CNTNAP5: variants seen among roughly 807,000 people sequenced by gnomAD.
CNTNAP5 encodes contactin-associated protein-like 5.
CNTNAP5 carries 72 observed loss-of-function variants against 150.2 expected under a neutral mutation model. That is an observed-to-expected ratio of 0.48 (90% CI 0.40 to 0.58). CNTNAP5 has a LOEUF of 0.58. CNTNAP5 is among the 20% of genes least tolerant of loss of function. The probability of loss-of-function intolerance (pLI) is 0.00; values close to 1 mark genes in which losing one functional copy is unlikely to be tolerated. For synonymous variants in CNTNAP5, 672 were observed against 619.8 expected (o/e 1.08, Z -1.25); for missense variants, 1,636 against 1,626.2 (o/e 1.01, Z -0.10).
Position 124,630,844 on chromosome 2 carries a change from G to C in CNTNAP5, c.1877-16914G>C, listed in dbSNP as rs912730801. On this transcript the variant is annotated intron_variant, in intron 12 of 23. Transcript: ENST00000682447. ...AAAACCCCATCAACTCAACCCAAAAGCTTCTTAAGCTGATAAGCAACTTCA... is the reference window on the plus strand; with the variant it reads ...AAAACCCCATCAACTCAACCCAAAACCTTCTTAAGCTGATAAGCAACTTCA... 7.9e-5 allele frequency among the ~76,000 whole-genome samples: 12 copies of C among 152,018 alleles called. No homozygotes were observed. In the East Asian group the frequency reaches 2.1e-3, roughly 27 times the overall value.
Position 124,138,738 on chromosome 2 carries a change from A to G in CNTNAP5, c.83-82967A>G, listed in dbSNP as rs546794280. Reference sequence around the variant, plus strand: ...TATTGACAGAAAAATAAATGGCTCTATTATTTGTCTAGAATCTCCGAAATA... The same window carrying G: ...TATTGACAGAAAAATAAATGGCTCTGTTATTTGTCTAGAATCTCCGAAATA... On this transcript the variant is annotated intron_variant, in intron 1 of 23. Coordinates refer to ENST00000682447, the MANE Select transcript of CNTNAP5 (RefSeq NM_001367498.1). Among the ~76,000 whole-genome samples, 8 of 152,246 alleles carry G rather than the reference A, an allele frequency of 5.3e-5. No homozygotes were observed. The South Asian group carries it at 8.3e-4, about 16-fold the overall frequency.
rs1266557462 is a variant in CNTNAP5, at chr2:124,148,517, AATATATACATATTAT to A, written c.83-73167_83-73153del. 1.0e-4 allele frequency among the ~76,000 whole-genome samples: 15 copies of A among 146,544 alleles called. No individual in the cohort carries two copies. The East Asian group carries it at 1.2e-3, about 12-fold the overall frequency. On this transcript the variant is annotated intron_variant, in intron 1 of 23. Transcript: ENST00000682447. ...TGGAGAGAGAGGTATATATATATAT[AATATATACATATTAT>A]ATATATACATATTATATATAATATG...
intron 12 of CNTNAP5, among the ~76,000 whole-genome samples, chr2:124,626,694 C>A (rs940963281): frequency 3.3e-5 from 5 of 152,110 alleles, no homozygotes; most frequent in Non-Finnish European, 7.4e-5. Flanking sequence ...CCTTGAGCTC[C>A]AGTAAGACAG....
At chr2:124,849,200 A>G (rs1015495124) in intron 19 of CNTNAP5, among the ~76,000 whole-genome samples, 11 of 152,132 alleles carry the variant, frequency 7.2e-5, no homozygotes, top group African/African-American at 2.7e-4. Flanking sequence ...GTGTGTATCT[A>G]TCTTTTCCAA....
At chr2:124,532,079 GTGT>G (rs765958987) in intron 10 of CNTNAP5, among the ~76,000 whole-genome samples, 65 of 152,272 alleles carry the variant, frequency 4.3e-4, no homozygotes, top group Non-Finnish European at 3.8e-4. Flanking sequence ...GGGTTCTAGT[GTGT>G]CCAGTGTAGC....
At chr2:124,453,266 C>A (rs142917185) in intron 6 of CNTNAP5, among the ~76,000 whole-genome samples, 2 of 151,766 alleles carry the variant, frequency 1.3e-5, no homozygotes, top group African/African-American at 4.9e-5. Flanking sequence ...AGAATCAAAC[C>A]AGTAGAAGAA....
chr2:124,683,199 A>C (rs918077949), intron 13 of CNTNAP5, among the ~76,000 whole-genome samples: 21 of 151,336 alleles, frequency 1.4e-4, no homozygotes, highest in African/African-American at 4.1e-4. Context: ...CGTGTGCCCC[A>C]CTCTCCCATA....
At chr2:124,819,581 A>C (rs895754085) in intron 19 of CNTNAP5, among the ~76,000 whole-genome samples, 23 of 152,174 alleles carry the variant, frequency 1.5e-4, no homozygotes, top group African/African-American at 5.3e-4. Flanking sequence ...CATTATCTTC[A>C]AATAATAGTT....
At chr2:124,883,025 G>T (rs1186794973) in intron 21 of CNTNAP5, among the ~76,000 whole-genome samples, 3 of 151,680 alleles carry the variant, frequency 2.0e-5, no homozygotes, top group Non-Finnish European at 4.4e-5. Context: ...GATGAGGTTT[G>T]GTTGGGGACG....
chr2:124,220,007 A>C (rs1686263592), intron 1 of CNTNAP5, among the ~76,000 whole-genome samples: 1 of 152,124 alleles, frequency 6.6e-6, no homozygotes, highest in African/African-American at 2.4e-5. Flanking sequence ...CTCAAAATAC[A>C]CTTTGCCAGT....
chr2:124,784,737 A>G (rs1280620176), intron 17 of CNTNAP5, among the ~76,000 whole-genome samples: 1 of 152,210 alleles, frequency 6.6e-6, no homozygotes, highest in Non-Finnish European at 1.5e-5. Context: ...TAGGGCAAGG[A>G]GCTACATGCA....
intron 1 of CNTNAP5, among the ~76,000 whole-genome samples, chr2:124,218,387 G>T (rs2104735942): frequency 6.6e-6 from 1 of 152,234 alleles, no homozygotes; most frequent in East Asian, 1.9e-4. Context: ...AAGTGACAGA[G>T]GAAAAGATTT....
rs569986468 is a variant in CNTNAP5, at chr2:124,600,704, A to C, written c.1757-9097A>C. On this transcript the variant is annotated intron_variant, in intron 11 of 23. Transcript: ENST00000682447. ...GACAAATACAGGGGCACACACACAA[A>C]AACCCCCAAAATACAACAACAATAC... 1.4e-3 allele frequency among the ~76,000 whole-genome samples: 213 copies of C among 151,358 alleles called. 1 individual carries two copies. Among genetic ancestry groups the C allele is most frequent in the Middle Eastern group, 6.8e-3 (2 of 294 alleles).
At chr2:124,172,447 C>T (rs1031585464) in intron 1 of CNTNAP5, among the ~76,000 whole-genome samples, 1 of 152,188 alleles carries the variant, frequency 6.6e-6, no homozygotes, top group Non-Finnish European at 1.5e-5. Flanking sequence ...TGGCCTCACT[C>T]TATCACCCAG....
intron 1 of CNTNAP5, among the ~76,000 whole-genome samples, chr2:124,047,077 CA>C (rs1681558770): frequency 6.6e-6 from 1 of 152,072 alleles, no homozygotes; most frequent in Non-Finnish European, 1.5e-5. Flanking sequence ...TAGATAACAG[CA>C]AAAATAAGAC....
Position 124,915,862 on chromosome 2 carries a change from C to T in CNTNAP5, c.*1574C>T, listed in dbSNP as rs942148620. Among the ~76,000 whole-genome samples the T allele has an allele frequency of 1.6e-4, 24 of 152,028 alleles. No homozygotes were observed. The highest frequency in any genetic ancestry group is 5.8e-4 in the African/African-American group (24 of 41,424). On this transcript the variant is annotated 3_prime_UTR_variant, in exon 24 of 24. Coordinates refer to ENST00000682447, the MANE Select transcript of CNTNAP5 (RefSeq NM_001367498.1). ...AGGTAAGGAGAAGACAATGTAAATG[C>T]TCCAAGATAGTGGAAATGCTCATGT...
At chr2:124,607,656 A>G (rs76895765) in intron 11 of CNTNAP5, among the ~76,000 whole-genome samples, 4,771 of 152,278 alleles carry the variant, frequency 0.031, 73 homozygotes, top group Middle Eastern at 0.051. Flanking sequence ...AGAAAGGGGT[A>G]GCCCTGCCAG....
chr2:124,270,149 C>A (rs1247441437), intron 3 of CNTNAP5, among the ~76,000 whole-genome samples: 1 of 152,030 alleles, frequency 6.6e-6, no homozygotes, highest in Non-Finnish European at 1.5e-5. Context: ...AACCCCGTCT[C>A]TACTAAAATA....
chr2:124,753,983 C>T (rs774472367), intron 14 of CNTNAP5, among the ~76,000 whole-genome samples: 8 of 152,168 alleles, frequency 5.3e-5, no homozygotes, highest in Non-Finnish European at 1.2e-4. Flanking sequence ...GGACATTGCC[C>T]TCCCCAAGGG....
Sources: gnomAD v4.1 joint callset for allele counts (sites outside exome capture counted in the v4.1 genomes callset) on GRCh38, gnomAD v4.1.1 for gene constraint, MANE v1.5 for transcripts, NCBI Gene and HGNC (gene_info 2026-07-23, HGNC 2026-07-21) for gene names.